MAML3: variants seen among roughly 807,000 people sequenced by gnomAD.
MAML3 encodes mastermind like transcriptional coactivator 3.
In MAML3, 27 loss-of-function variants were observed where a neutral mutation model predicts 101.9. That is an observed-to-expected ratio of 0.27 (90% CI 0.20 to 0.37). The LOEUF (loss-of-function observed/expected upper bound fraction) is 0.37, where lower values mean the gene tolerates loss of function less well. Ranked by LOEUF, MAML3 falls within the 10% of genes least tolerant of loss-of-function variation. MAML3 has a pLI of 1.00. For missense variants in MAML3, 1,316 were observed against 1,444.9 expected, an observed-to-expected ratio of 0.91 and a Z score of 1.45; for synonymous variants, 501 against 555.9, an observed-to-expected ratio of 0.90 and a Z score of 1.39.
chr4:140,049,329 T>G (rs763038157), intron 1 of MAML3, among the ~76,000 whole-genome samples: 4 of 152,192 alleles, frequency 2.6e-5, no homozygotes, highest in Non-Finnish European at 5.9e-5. Context: ...TGTGGGATTC[T>G]CTTTCTTCAG....
At chr4:139,852,308 T>A (rs565604262) in intron 2 of MAML3, among the ~76,000 whole-genome samples, 4 of 151,412 alleles carry the variant, frequency 2.6e-5, no homozygotes, top group African/African-American at 9.7e-5. Context: ...GAGTAAAATG[T>A]AAAAGACATA....
intron 2 of MAML3, among the ~76,000 whole-genome samples, chr4:139,762,477 T>C (rs1362690874): frequency 6.6e-6 from 1 of 152,212 alleles, no homozygotes; most frequent in African/African-American, 2.4e-5. Flanking sequence ...CTTTTGTGGC[T>C]GGCCCTGATT....
intron 1 of MAML3, among the ~76,000 whole-genome samples, chr4:140,078,726 A>G (rs1176217989): frequency 6.6e-6 from 1 of 152,216 alleles, no homozygotes; most frequent in Admixed American, 6.5e-5. Context: ...AGTCAAAGAA[A>G]TTAAGCTTTG....
intron 2 of MAML3, among the ~76,000 whole-genome samples, chr4:139,828,740 T>C (rs771090422): frequency 7.7e-5 from 7 of 90,444 alleles, no homozygotes; most frequent in African/African-American, 2.1e-4. Context: ...TTTAAAAACA[T>C]AGTTTTATTG....
chr4:140,022,258 T>G (rs1265867664), intron 1 of MAML3, among the ~76,000 whole-genome samples: 1 of 152,226 alleles, frequency 6.6e-6, no homozygotes, highest in African/African-American at 2.4e-5. Flanking sequence ...GGTAAAATGT[T>G]TTTTTAGTGG....
At chr4:139,936,961 A>G (rs1205354293) in intron 1 of MAML3, among the ~76,000 whole-genome samples, 1 of 152,214 alleles carries the variant, frequency 6.6e-6, no homozygotes, top group Non-Finnish European at 1.5e-5. Context: ...TTGCTATATA[A>G]TGAAAACAAG....
intron 1 of MAML3, among the ~76,000 whole-genome samples, chr4:140,149,630 A>G (rs1729122382): frequency 6.6e-6 from 1 of 152,202 alleles, no homozygotes; most frequent in Non-Finnish European, 1.5e-5. Context: ...GAAACAGTAA[A>G]GAATCCTATT....
intron 1 of MAML3, among the ~76,000 whole-genome samples, chr4:139,973,402 C>CT (rs2110795689): frequency 6.6e-6 from 1 of 152,300 alleles, no homozygotes; most frequent in South Asian, 2.1e-4. Flanking sequence ...CAAAACAGTG[C>CT]TGAATCTATC....
intron 1 of MAML3, among the ~76,000 whole-genome samples, chr4:139,911,223 C>CT (rs111860171): frequency 0.2 from 29,813 of 145,472 alleles, 4,980 homozygotes; most frequent in African/African-American, 0.46. Context: ...TCAGAATTTC[C>CT]TTTTTTTTTT....
intron 1 of MAML3, among the ~76,000 whole-genome samples, chr4:139,915,700 G>A (rs1032524070): frequency 1.1e-4 from 16 of 152,152 alleles, no homozygotes; most frequent in Non-Finnish European, 2.1e-4. Flanking sequence ...TGGCGGGGGG[G>A]CGGGGATCCT....
At position 139,780,248 on chromosome 4, in the gene MAML3, C is replaced by A. The variant is rs116531077; in HGVS notation, c.2080-49581G>T. Among the ~76,000 whole-genome samples, 904 of 152,286 alleles carry A rather than the reference C, an allele frequency of 5.9e-3. 6 individuals carry two copies. The highest frequency in any genetic ancestry group is 0.02 in the African/African-American group (817 of 41,538). ...AGAAAGTTCCATTGGACGGCTCTGA[C>A]CCAGAAAACTCAATTGGTGCCAGGA... On this transcript the variant is annotated intron_variant, in intron 2 of 4. Transcript: ENST00000509479.
intron 2 of MAML3, among the ~76,000 whole-genome samples, chr4:139,783,769 G>A (rs1330419413): frequency 1.3e-5 from 2 of 152,300 alleles, no homozygotes; most frequent in East Asian, 3.9e-4. Context: ...CACTGCCACC[G>A]AGCAGTCAGG....
intron 1 of MAML3, among the ~76,000 whole-genome samples, chr4:140,004,660 G>C (rs1310781646): frequency 6.6e-6 from 1 of 152,076 alleles, no homozygotes. Context: ...AACGCCATGA[G>C]ACTCGCAGGG....
At chr4:139,747,856 C>A (rs970081161) in intron 2 of MAML3, among the ~76,000 whole-genome samples, 1 of 151,860 alleles carries the variant, frequency 6.6e-6, no homozygotes, top group African/African-American at 2.4e-5. Flanking sequence ...GAGTTCGACA[C>A]AAGCCTGATC....
chr4:140,080,485 G>A (rs937553579), intron 1 of MAML3, among the ~76,000 whole-genome samples: 3 of 152,212 alleles, frequency 2.0e-5, no homozygotes, highest in African/African-American at 7.2e-5. Flanking sequence ...GAACATTCGA[G>A]CACATGATCA....
At chr4:139,875,025 A>C in intron 2 of MAML3, among the ~76,000 whole-genome samples, 1 of 151,966 alleles carries the variant, frequency 6.6e-6, no homozygotes, top group South Asian at 2.1e-4. Context: ...GGATGGTCTC[A>C]ATCTCCTGAC....
intron 1 of MAML3, among the ~76,000 whole-genome samples, chr4:140,073,391 G>A (rs1350043873): frequency 1.3e-5 from 2 of 152,072 alleles, no homozygotes; most frequent in Admixed American, 6.5e-5. Flanking sequence ...ACCCACGTAG[G>A]TCTCCCAAAG....
intron 2 of MAML3, among the ~76,000 whole-genome samples, chr4:139,732,605 G>C (rs1198528237): frequency 6.7e-6 from 1 of 149,072 alleles, no homozygotes; most frequent in Non-Finnish European, 1.5e-5. Context: ...CAGATAGCTT[G>C]TCTTTACTTT....
At chr4:140,107,355 ACATCAC>A (rs1728368695) in intron 1 of MAML3, among the ~76,000 whole-genome samples, 1 of 152,194 alleles carries the variant, frequency 6.6e-6, no homozygotes, top group Non-Finnish European at 1.5e-5. Context: ...CTTGGGGCTT[ACATCAC>A]CATTGAGTCC....
Sources: allele counts gnomAD v4.1 joint callset (sites outside exome capture counted in the v4.1 genomes callset), GRCh38; gene constraint gnomAD v4.1.1; transcripts MANE v1.5; gene names NCBI Gene and HGNC (gene_info 2026-07-23, HGNC 2026-07-21).